FER: variants seen among roughly 807,000 people sequenced by gnomAD.
FER encodes tyrosine-protein kinase Fer.
In FER, 63 loss-of-function variants were observed where a neutral mutation model predicts 111.0. The observed-to-expected ratio is 0.57, with a 90% confidence interval of 0.46 to 0.70. The LOEUF (loss-of-function observed/expected upper bound fraction) is 0.70. FER is among the 30% of genes least tolerant of loss of function. The pLI, the probability that FER is intolerant of heterozygous loss-of-function variation, is 0.00. For synonymous variants in FER, 327 were observed against 313.9 expected (o/e 1.04, Z -0.44); for missense variants, 914 against 954.0 (o/e 0.96, Z 0.55).
intron 16 of FER, among the ~76,000 whole-genome samples, chr5:109,053,779 C>T (rs1159125701): frequency 6.6e-6 from 1 of 150,786 alleles, no homozygotes; most frequent in Non-Finnish European, 1.5e-5. Flanking sequence ...CAAGCTCCGC[C>T]TCCTGGGTTC....
At chr5:108,797,214 A>G (rs1413914738) in intron 2 of FER, among the ~76,000 whole-genome samples, 2 of 152,000 alleles carry the variant, frequency 1.3e-5, no homozygotes, top group Admixed American at 6.5e-5. Flanking sequence ...CCAGTGCTCT[A>G]TCCTTCTGTG....
intron 13 of FER, among the ~76,000 whole-genome samples, chr5:108,970,737 A>G (rs1760537913): frequency 2.0e-5 from 3 of 152,170 alleles, no homozygotes; most frequent in Admixed American, 2.0e-4. Context: ...CAGAAGGAGG[A>G]GGAGGGAAAT....
chr5:108,860,001 G>C (rs1462046980), intron 5 of FER, among the ~76,000 whole-genome samples: 1 of 151,178 alleles, frequency 6.6e-6, no homozygotes, highest in Non-Finnish European at 1.5e-5. Context: ...GAGTGCAGTT[G>C]TGCGATCTCG....
At chr5:108,773,892 C>G (rs1300561870) in intron 2 of FER, among the ~76,000 whole-genome samples, 4 of 152,130 alleles carry the variant, frequency 2.6e-5, no homozygotes, top group Admixed American at 1.3e-4. Context: ...ACCATTCTGA[C>G]TGGTGTGAGA....
At chr5:109,051,732 C>G in intron 16 of FER, 6 of 1,569,896 alleles carry the variant, frequency 3.8e-6, no homozygotes, top group Middle Eastern at 1.7e-4. Flanking sequence ...AAGGGTCGCT[C>G]TTTCCCTTAA....
At chr5:108,841,139 C>G (rs1019193653) in intron 5 of FER, among the ~76,000 whole-genome samples, 3 of 152,172 alleles carry the variant, frequency 2.0e-5, no homozygotes, top group African/African-American at 7.2e-5. Context: ...TTAACTCTTT[C>G]CAAAGTCATG....
chr5:109,121,182 G>A (rs1233952950), intron 17 of FER, among the ~76,000 whole-genome samples: 1 of 152,082 alleles, frequency 6.6e-6, no homozygotes, highest in Non-Finnish European at 1.5e-5. Context: ...AGATCTTAGA[G>A]GAAAGGCTTT....
At chr5:108,991,869 T>C (rs1001163989) in intron 13 of FER, among the ~76,000 whole-genome samples, 19 of 150,794 alleles carry the variant, frequency 1.3e-4, no homozygotes, top group Non-Finnish European at 2.4e-4. Context: ...TTTTCTTTTT[T>C]TTTTTTAAAT....
intron 17 of FER, among the ~76,000 whole-genome samples, chr5:109,124,711 A>G (rs1390010657): frequency 6.6e-6 from 1 of 152,134 alleles, no homozygotes; most frequent in African/African-American, 2.4e-5. Context: ...AAACATTTAA[A>G]AGGAAGAAAA....
intron 13 of FER, among the ~76,000 whole-genome samples, chr5:109,008,141 C>T (rs902283168): frequency 2.6e-5 from 4 of 152,066 alleles, no homozygotes; most frequent in Non-Finnish European, 5.9e-5. Context: ...ATCTTGTACT[C>T]ACGGAGGAAA....
intron 3 of FER, among the ~76,000 whole-genome samples, chr5:108,827,486 A>G (rs951316469): frequency 7.9e-5 from 12 of 152,216 alleles, no homozygotes; most frequent in Non-Finnish European, 1.3e-4. Context: ...CAAAGTTCTC[A>G]TAAGTTATTA....
At chr5:109,031,913 T>G (rs889969145) in intron 13 of FER, among the ~76,000 whole-genome samples, 7 of 152,204 alleles carry the variant, frequency 4.6e-5, no homozygotes, top group African/African-American at 1.7e-4. Flanking sequence ...AAGTTTATCT[T>G]TAACTCATCT....
chr5:109,021,674 A>G (rs1362696915), intron 13 of FER, among the ~76,000 whole-genome samples: 1 of 152,114 alleles, frequency 6.6e-6, no homozygotes, highest in Non-Finnish European at 1.5e-5. Context: ...CCATCTCATT[A>G]CTATAAAGTA....
Position 108,785,441 on chromosome 5 carries a change from A to C in FER, c.-59-12683A>C, listed in dbSNP as rs897258007. On this transcript the variant is annotated intron_variant, in intron 2 of 19. Transcript: ENST00000281092. ...GCAAGAAGTTATTAGTACTGGCAGC[A>C]AGGCAGAACCACCCCAGTGTACCTC... 8.6e-6 allele frequency: 5 copies of C among 580,654 alleles called. No individual in the cohort carries two copies. In the Admixed American group the frequency reaches 9.4e-5, roughly 11 times the overall value. The allele number at this position is 580,654 out of a possible 1,614,324, so 36.0% of individuals were successfully genotyped here.
Position 109,037,485 on chromosome 5 carries a change from A to C in FER, c.1713+7A>C, listed in dbSNP as rs763118151. ...GGGAGAATTACTGGGCAAGGTATGT[A>C]ATCAACTGAGCTAAATAACCAGAAG... On this transcript the variant is annotated splice_region_variant and intron_variant, in intron 14 of 19. Coordinates refer to ENST00000281092, the MANE Select transcript of FER (RefSeq NM_005246.4). The C allele has an allele frequency of 1.2e-5, 20 of 1,609,668 alleles. No homozygotes were observed. Among genetic ancestry groups the C allele is most frequent in the Non-Finnish European group, 8.5e-7 (1 of 1,176,658 alleles).
chr5:109,109,679 C>T (rs1002966105), intron 17 of FER, among the ~76,000 whole-genome samples: 17 of 152,218 alleles, frequency 1.1e-4, no homozygotes, highest in African/African-American at 2.2e-4. Context: ...AAACCACACA[C>T]GCCCATACCA....
chr5:108,975,043 A>G (rs1761152634), intron 13 of FER, among the ~76,000 whole-genome samples: 1 of 152,236 alleles, frequency 6.6e-6, no homozygotes, highest in Non-Finnish European at 1.5e-5. Flanking sequence ...AAAATGTGGC[A>G]CATATATACC....
intron 16 of FER, among the ~76,000 whole-genome samples, chr5:109,064,133 C>T (rs1180421772): frequency 6.6e-6 from 1 of 152,152 alleles, no homozygotes; most frequent in Non-Finnish European, 1.5e-5. Flanking sequence ...TATCCCAAAG[C>T]AAATACAGAT....
intron 17 of FER, among the ~76,000 whole-genome samples, chr5:109,117,428 T>C (rs2126463138): frequency 6.6e-6 from 1 of 152,244 alleles, no homozygotes; most frequent in South Asian, 2.1e-4. Flanking sequence ...CTTCTATCAT[T>C]TTGTGATAAA....
Sources: gnomAD v4.1 joint callset for allele counts (sites outside exome capture counted in the v4.1 genomes callset) on GRCh38, gnomAD v4.1.1 for gene constraint, MANE v1.5 for transcripts, NCBI Gene and HGNC (gene_info 2026-07-23, HGNC 2026-07-21) for gene names.